The following HACD3 variants were observed in gnomAD, a reference collection of about 807,000 sequenced individuals.
The protein encoded by HACD3 is very-long-chain (3R)-3-hydroxyacyl-CoA dehydratase 3.
Under a neutral mutation model 55.2 loss-of-function variants are expected in HACD3, and 30 were observed. The ratio of observed to expected loss-of-function variants is 0.54; its 90% CI spans 0.41 to 0.74. The LOEUF (loss-of-function observed/expected upper bound fraction) is 0.74. HACD3 is among the 30% of genes least tolerant of loss of function. The pLI, the probability that HACD3 is intolerant of heterozygous loss-of-function variation, is 0.00. For synonymous variants in HACD3, 141 were observed against 151.7 expected (o/e 0.93, Z 0.52); for missense variants, 363 against 440.1 (o/e 0.82, Z 1.57).
chr15:65,541,777 A>G (rs2072021177), intron 1 of HACD3, among the ~76,000 whole-genome samples: 1 of 152,234 alleles, frequency 6.6e-6, no homozygotes, highest in Non-Finnish European at 1.5e-5. Flanking sequence ...AGAAGATGAT[A>G]CAAACTTTTA....
chr15:65,562,852 A>C lies in HACD3; in HGVS notation c.500A>C (p.Asn167Thr). Residue 167 changes from asparagine to threonine, a missense_variant, in exon 6 of 11, where the codon AAC (asparagine) becomes ACC (threonine). Physicochemically the swap from Asn to Thr is moderately conservative, Grantham distance 65 (BLOSUM62 0). Transcript: ENST00000261875. ...TTGGGATTCTCCTGGATCTTTGTCA[A>C]CCTGACTGTGCGATTCTGTATCTTG... ...QFLGFSWIFV[N>T]LTVRFCILGK... 1.2e-6 allele frequency: 2 copies of C among 1,613,910 alleles called. No homozygotes were observed. The highest frequency in any genetic ancestry group is 1.7e-6 in the Non-Finnish European group (2 of 1,179,874).
intron 1 of HACD3, 87 bp from the exon 2 acceptor site, chr15:65,551,589 G>A: frequency 1.4e-6 from 2 of 1,456,596 alleles, no homozygotes; most frequent in Non-Finnish European, 1.9e-6. Flanking sequence ...CCTTATGGGA[G>A]AGGGATGAGG....
chr15:65,538,321 G>C (rs908948480), intron 1 of HACD3, among the ~76,000 whole-genome samples: 1 of 152,100 alleles, frequency 6.6e-6, no homozygotes, highest in Non-Finnish European at 1.5e-5. Flanking sequence ...ATATAAAAAT[G>C]AACAGGAGTT....
In HACD3 at chr15:65,569,141, G is replaced by A. The variant is rs565447455; in HGVS notation, c.661-950G>A. ...CGGGCGCCTGTAGTCCCAGCTACTCGGGAGGCTGAGGCAGGAGAATGGCAT... is the reference window on the plus strand; with the variant it reads ...CGGGCGCCTGTAGTCCCAGCTACTCAGGAGGCTGAGGCAGGAGAATGGCAT... On this transcript the variant is annotated intron_variant, in intron 7 of 10. Coordinates refer to ENST00000261875, the MANE Select transcript of HACD3 (RefSeq NM_016395.4). Among the ~76,000 whole-genome samples, 87 of 151,876 alleles carry A rather than the reference G, an allele frequency of 5.7e-4. 1 individual carries two copies. The South Asian group carries it at 0.015, about 26-fold the overall frequency.
chr15:65,541,442 C>G (rs147122289), intron 1 of HACD3, among the ~76,000 whole-genome samples: 52 of 152,254 alleles, frequency 3.4e-4, no homozygotes, highest in Non-Finnish European at 6.0e-4. Flanking sequence ...GGGTTTATTG[C>G]TTGTTCCAGT....
rs527324376 is a variant in HACD3 at position 65,574,012 on chromosome 15, C to T, written c.1012+1646C>T. On this transcript the variant is annotated intron_variant, in intron 10 of 10. Coordinates refer to ENST00000261875, the MANE Select transcript of HACD3 (RefSeq NM_016395.4). ...TTATTTCACAAAAGACTTAAGGTGG[C>T]CCTAAATAAATATAACTGTCCAGTC... 7.2e-5 allele frequency among the ~76,000 whole-genome samples: 11 copies of T among 152,180 alleles called. No individual in the cohort carries two copies. The South Asian group carries it at 2.1e-3, about 29-fold the overall frequency.
intron 1 of HACD3, among the ~76,000 whole-genome samples, chr15:65,544,225 T>TA (rs1420010507): frequency 6.6e-6 from 1 of 151,914 alleles, no homozygotes. Context: ...ATAGTGAAAG[T>TA]AAAAAAGAAA....
intron 8 of HACD3, 65 bp from the exon 9 acceptor site, chr15:65,571,483 A>G (rs913644895): frequency 1.8e-6 from 2 of 1,116,058 alleles, no homozygotes; most frequent in South Asian, 1.3e-5. Flanking sequence ...TATTTAAATG[A>G]TATTCTAAGG....
intron 1 of HACD3, among the ~76,000 whole-genome samples, chr15:65,544,952 C>T (rs1368818104): frequency 4.7e-5 from 7 of 150,322 alleles, no homozygotes; most frequent in Admixed American, 2.0e-4. Context: ...ACCCGGGAGG[C>T]GGAGGTTGCG....
At chr15:65,557,198 G>C (rs986762454) in intron 4 of HACD3, among the ~76,000 whole-genome samples, 1 of 152,158 alleles carries the variant, frequency 6.6e-6, no homozygotes, top group Non-Finnish European at 1.5e-5. Flanking sequence ...ACATACGGCC[G>C]GGCACGGTGG....
Position 65,530,490 on chromosome 15 carries a change from G to T in HACD3, c.-142G>T. ...CACTGCGCAGGCGCGGCCCGCGAGC[G>T]TGGGGTATCTCGAGGTGCCGGGTTG... On this transcript the variant is annotated 5_prime_UTR_variant, in exon 1 of 11. Transcript: ENST00000261875. 1.5e-6 allele frequency: 1 copy of T among 668,676 alleles called. No homozygotes were observed. 41.4% of individuals were successfully genotyped at this position (668,676 alleles called of 1,614,324 possible).
chr15:65,561,883 C>T (rs528518895), intron 5 of HACD3, among the ~76,000 whole-genome samples: 1 of 152,188 alleles, frequency 6.6e-6, no homozygotes, highest in East Asian at 1.9e-4. Context: ...ACAACCCGCT[C>T]CTGTGGTTTG....
chr15:65,565,062 G>A (rs963549051), intron 7 of HACD3: 4 of 152,186 alleles, frequency 2.6e-5, no homozygotes, highest in African/African-American at 9.7e-5. Flanking sequence ...CCAGTGGGGC[G>A]GTCAAACTTT....
rs1313676157 is a variant in HACD3, at chr15:65,562,668, C to G, written c.422-106C>G. 2.6e-5 allele frequency: 38 copies of G among 1,437,172 alleles called. 1 individual carries two copies. In the South Asian group the frequency reaches 3.5e-4, roughly 13 times the overall value. The allele number at this position is 1,437,172 out of a possible 1,614,324, so 89.0% of individuals were successfully genotyped here. On this transcript the variant is annotated intron_variant, in intron 5 of 10. Transcript: ENST00000261875. ...AGGTATTTGTGTGGGAGCTTAGGAG[C>G]ATTCAGGAAGGAAAAAGGGTTGAAG...
chr15:65,557,342 G>T (rs1466653033), intron 4 of HACD3, among the ~76,000 whole-genome samples: 3 of 152,168 alleles, frequency 2.0e-5, no homozygotes. Context: ...GGGCGTGGTG[G>T]TGCATGCCTG....
chr15:65,553,516 A>G (rs2141214210), intron 2 of HACD3, among the ~76,000 whole-genome samples: 1 of 152,320 alleles, frequency 6.6e-6, no homozygotes, highest in South Asian at 2.1e-4. Context: ...ATTGGAGCAT[A>G]AAGAGTTTCT....
intron 1 of HACD3, among the ~76,000 whole-genome samples, chr15:65,532,902 C>G (rs1003459020): frequency 2.0e-5 from 3 of 151,972 alleles, no homozygotes; most frequent in Admixed American, 2.0e-4. Context: ...TAGAAGGAGG[C>G]GTATCATATA....
chr15:65,560,707 G>C (rs545412668), intron 5 of HACD3, among the ~76,000 whole-genome samples: 7 of 152,166 alleles, frequency 4.6e-5, no homozygotes, highest in African/African-American at 1.7e-4. Flanking sequence ...GGGCGGTGAG[G>C]TGGGAGGATG....
intron 5 of HACD3, among the ~76,000 whole-genome samples, chr15:65,561,883 C>G (rs528518895): frequency 1.2e-3 from 189 of 152,306 alleles, no homozygotes; most frequent in Middle Eastern, 3.4e-3. Context: ...ACAACCCGCT[C>G]CTGTGGTTTG....
Sources: gnomAD v4.1 joint callset for allele counts (sites outside exome capture counted in the v4.1 genomes callset) on GRCh38, gnomAD v4.1.1 for gene constraint, MANE v1.5 for transcripts, NCBI Gene and HGNC (gene_info 2026-07-23, HGNC 2026-07-21) for gene names.